NCALD: variants seen among roughly 807,000 people sequenced by gnomAD.
The protein encoded by NCALD is neurocalcin delta, also known as neurocalcin-delta.
Under a neutral mutation model 18.6 loss-of-function variants are expected in NCALD, and 10 were observed. The ratio of observed to expected loss-of-function variants is 0.54; its 90% CI spans 0.33 to 0.91. The LOEUF is 0.91. Among genes scored for constraint, NCALD ranks in the 40% least tolerant of loss-of-function variants. NCALD has a pLI of 0.03. For missense variants in NCALD, 184 were observed against 247.6 expected, an observed-to-expected ratio of 0.74 and a Z score of 1.72; for synonymous variants, 88 against 87.4, an observed-to-expected ratio of 1.01 and a Z score of -0.04.
At chr8:101,843,582 G>GTTGTTTTTTT (rs1554644302) in intron 4 of NCALD, among the ~76,000 whole-genome samples, 5 of 125,140 alleles carry the variant, frequency 4.0e-5, no homozygotes, top group African/African-American at 9.8e-5. Flanking sequence ...TTTAAAAATT[G>GTTGTTTTTTT]TTTTTTTTTT....
rs147951017 is a variant in NCALD at position 102,038,132 on chromosome 8, T to C, written c.-209-17843A>G. ...TGCCACATGACTCATTGGGATTTCC[T>C]GACGGCCTTTGCCTTACTATACCAA... On this transcript the variant is annotated intron_variant, in intron 1 of 6. Coordinates refer to the NCALD transcript ENST00000311028. Among the ~76,000 whole-genome samples the C allele has an allele frequency of 4.1e-3, 620 of 152,306 alleles. 1 individual carries two copies. The highest frequency in any genetic ancestry group is 0.014 in the African/African-American group (575 of 41,574).
At chr8:102,110,663 C>T (rs1355083486) in intron 1 of NCALD, among the ~76,000 whole-genome samples, 1 of 152,164 alleles carries the variant, frequency 6.6e-6, no homozygotes, top group African/African-American at 2.4e-5. Context: ...TGCTCTAACC[C>T]ATTCGGAAAA....
intron 3 of NCALD, among the ~76,000 whole-genome samples, chr8:101,894,029 A>G (rs1817035688): frequency 6.8e-6 from 1 of 147,740 alleles, no homozygotes; most frequent in South Asian, 2.1e-4. Context: ...AGACATCTAC[A>G]GAACTCTCCA....
In NCALD at chr8:101,773,963, T is replaced by C. The variant is rs1183475191; in HGVS notation, c.-20+16899A>G. Among the ~76,000 whole-genome samples the C allele has an allele frequency of 2.6e-5, 4 of 152,164 alleles. No homozygotes were observed. In the East Asian group the frequency reaches 7.7e-4, roughly 29 times the overall value. ...AATGTTAACATACCTTAAACGTAGG[T>C]AATGAAAAATGACTAATTCAGTGGT... On this transcript the variant is annotated intron_variant, in intron 1 of 3. Coordinates refer to ENST00000220931, the MANE Select transcript of NCALD (RefSeq NM_032041.3).
chr8:101,894,552 C>T (rs867557647), intron 3 of NCALD, among the ~76,000 whole-genome samples: 1 of 144,152 alleles, frequency 6.9e-6, no homozygotes, highest in Non-Finnish European at 1.5e-5. Flanking sequence ...AAAAACCCTT[C>T]AAAAAATCAA....
chr8:101,902,604 C>G (rs1350481749), intron 3 of NCALD, among the ~76,000 whole-genome samples: 2 of 152,228 alleles, frequency 1.3e-5, no homozygotes, highest in African/African-American at 4.8e-5. Context: ...AGCAGTGTTG[C>G]AGCATTAAGC....
rs770511305 is a variant in NCALD, at chr8:101,689,381, G to T, written c.510C>A (p.Ile170=). Residue 170 remains isoleucine, a synonymous_variant, in exon 4 of 4, where the codon ATC becomes ATA. Coordinates refer to ENST00000220931, the MANE Select transcript of NCALD (RefSeq NM_032041.3). This position sits in a 1 kb window ranked among gnomAD's most constrained non-coding sequence, Gnocchi z 4.4. ...RDGKLSLEEF[I]RGAKSDPSIV... is the part of the protein sequence containing the mutation. ...TGGACGGGTCGCTTTTGGCTCCTCG[G>T]ATGAACTCTTCCAGGGAGAGTTTTC... is the stretch of plus-strand genomic sequence containing the variant. 3.7e-6 allele frequency: 6 copies of T among 1,610,956 alleles called. No homozygotes were observed. The highest frequency in any genetic ancestry group is 1.3e-5 in the African/African-American group (1 of 74,870).
chr8:101,800,558 A>T (rs901509082), intron 4 of NCALD, among the ~76,000 whole-genome samples: 19 of 151,964 alleles, frequency 1.3e-4, no homozygotes, highest in African/African-American at 4.6e-4. Context: ...AACTGACCAA[A>T]TATTGCAATT....
intron 4 of NCALD, among the ~76,000 whole-genome samples, chr8:101,817,042 T>G (rs1333820028): frequency 6.6e-6 from 1 of 152,146 alleles, no homozygotes; most frequent in Non-Finnish European, 1.5e-5. Flanking sequence ...TCTATCCATT[T>G]TAAGCCCAGA....
intron 2 of NCALD, among the ~76,000 whole-genome samples, chr8:101,702,898 C>A (rs182791012): frequency 3.9e-5 from 6 of 152,334 alleles, no homozygotes; most frequent in Admixed American, 2.0e-4. Flanking sequence ...TATTGGGAAA[C>A]ACTGCTTATT....
At chr8:102,055,070 C>T (rs1823603126) in intron 1 of NCALD, among the ~76,000 whole-genome samples, 1 of 151,860 alleles carries the variant, frequency 6.6e-6, no homozygotes, top group Non-Finnish European at 1.5e-5. Context: ...GGTCACTCAT[C>T]CTGTGACCTG....
At chr8:102,025,968 C>T (rs542580489) in intron 1 of NCALD, among the ~76,000 whole-genome samples, 2 of 152,330 alleles carry the variant, frequency 1.3e-5, no homozygotes, top group East Asian at 3.9e-4. Context: ...TCCTTCTTCA[C>T]ACAGCAGCAG....
rs77293162 is a variant in NCALD at position 101,811,057 on chromosome 8, T to C, written c.-20+76084A>G. On this transcript the variant is annotated intron_variant, in intron 4 of 6. Transcript: ENST00000311028. ...TGTTCCAATAGTCAGACTACTGATT[T>C]CAGTTGTGTTTGGGCAATGTGATAA... Among the ~76,000 whole-genome samples the C allele has an allele frequency of 7.3e-3, 1,118 of 152,280 alleles. 10 individuals are homozygous for C. Among genetic ancestry groups the C allele is most frequent in the Middle Eastern group, 0.031 (9 of 294 alleles).
intron 4 of NCALD, among the ~76,000 whole-genome samples, chr8:101,859,251 A>G (rs1005191373): frequency 3.3e-5 from 5 of 152,148 alleles, no homozygotes; most frequent in African/African-American, 2.4e-5. Context: ...TCCGACTCTT[A>G]GACTTACACC....
intron 2 of NCALD, among the ~76,000 whole-genome samples, chr8:101,994,683 G>A (rs1327665395): frequency 1.3e-5 from 2 of 152,212 alleles, no homozygotes; most frequent in African/African-American, 2.4e-5. Context: ...CTACTACATG[G>A]TCATGAGCCT....
rs1586602736 is a variant in NCALD, at chr8:101,835,248, T to G, written c.-20+51893A>C. Among the ~76,000 whole-genome samples the G allele has an allele frequency of 3.9e-5, 6 of 152,244 alleles. No homozygotes were observed. In the South Asian group the frequency reaches 1.2e-3, roughly 32 times the overall value. ...CCACTTGGCTTTCTATCTCAGGTGG[T>G]GCAGGGCCCCTTGGCCCTTCCATCA... On this transcript the variant is annotated intron_variant, in intron 4 of 6. Coordinates refer to the NCALD transcript ENST00000311028.
chr8:101,740,112 C>T (rs1369641111), intron 1 of NCALD, among the ~76,000 whole-genome samples: 3 of 152,194 alleles, frequency 2.0e-5, no homozygotes, highest in African/African-American at 7.2e-5. Context: ...CCCCTGTTCC[C>T]TCTACTCCTA....
chr8:101,757,001 CTG>C (rs1810910210), intron 1 of NCALD, among the ~76,000 whole-genome samples: 1 of 152,166 alleles, frequency 6.6e-6, no homozygotes, highest in Non-Finnish European at 1.5e-5. Context: ...TCTTATGTCT[CTG>C]TCTTTTCTTT....
At chr8:101,863,652 A>G (rs1288931412) in intron 4 of NCALD, among the ~76,000 whole-genome samples, 1 of 152,176 alleles carries the variant, frequency 6.6e-6, no homozygotes, top group Non-Finnish European at 1.5e-5. Context: ...TTATTATTCC[A>G]CATATTAATA....
Sources: allele counts gnomAD v4.1 joint callset (sites outside exome capture counted in the v4.1 genomes callset), GRCh38; gene constraint gnomAD v4.1.1; non-coding constraint Gnocchi (gnomAD v3.1); transcripts MANE v1.5; gene names NCBI Gene and HGNC (gene_info 2026-07-23, HGNC 2026-07-21).